The following ZBTB45 variants were observed in gnomAD, a reference collection of about 807,000 sequenced individuals.
ZBTB45 encodes zinc finger and BTB domain-containing protein 45.
A neutral mutation model predicts 28.4 loss-of-function variants in ZBTB45; 22 were observed. The ratio of observed to expected loss-of-function variants is 0.77; its 90% CI spans 0.55 to 1.10. The LOEUF (loss-of-function observed/expected upper bound fraction) is 1.10, where lower values mean the gene tolerates loss of function less well. Among genes scored for constraint, ZBTB45 ranks in the 50% least tolerant of loss-of-function variants. ZBTB45 has a pLI of 0.00. For synonymous variants in ZBTB45, 361 were observed against 332.3 expected, an observed-to-expected ratio of 1.09 and a Z score of -0.94; for missense variants, 656 against 750.2, an observed-to-expected ratio of 0.87 and a Z score of 1.47.
intron 1 of ZBTB45, among the ~76,000 whole-genome samples, chr19:58,518,404 A>G (rs1278792692): frequency 6.6e-6 from 1 of 152,102 alleles, no homozygotes; most frequent in African/African-American, 2.4e-5. Context: ...TGCCCCAGGG[A>G]AACCAGTACA....
At position 58,516,559 on chromosome 19, in the gene ZBTB45, G is replaced by A. The variant is rs1183557713; in HGVS notation, c.1115C>T (p.Thr372Ile). 6.2e-7 allele frequency: 1 copy of A among 1,602,496 alleles called. No homozygotes were observed. The highest frequency in any genetic ancestry group is 8.5e-7 in the Non-Finnish European group (1 of 1,173,990). Reference sequence around the variant, plus strand: ...GGGAGCCGGGACCTCCCCCAGCTGAGTACTGGGGGCTGCCTCGGGCTGGAG... The same window carrying A: ...GGGAGCCGGGACCTCCCCCAGCTGAATACTGGGGGCTGCCTCGGGCTGGAG... ...PTLQPEAAPS[T>I]QLGEVPAPSA... Residue 372 changes from threonine to isoleucine, a missense_variant, in exon 2 of 3, where the codon ACT (threonine) becomes ATT (isoleucine). By Grantham distance (89) the Thr-to-Ile change is moderately conservative. This residue lies in a region of ZBTB45 where 448 missense variants were observed against 444.3 expected (regional missense o/e 1.01). Coordinates refer to ENST00000594051, the MANE Select transcript of ZBTB45 (RefSeq NM_001316979.2). This position sits in a 1 kb window ranked among gnomAD's most constrained non-coding sequence, Gnocchi z 6.2.
chr19:58,522,828 G>C (rs528073548), upstream of ZBTB45, among the ~76,000 whole-genome samples: 1 of 152,286 alleles, frequency 6.6e-6, no homozygotes, highest in Admixed American at 6.5e-5. Flanking sequence ...CCTTGGGCAA[G>C]ACAAATGAGT....
At chr19:58,537,017 G>A (rs556792609) in intron 1 of ZBTB45, among the ~76,000 whole-genome samples, 1 of 152,272 alleles carries the variant, frequency 6.6e-6, no homozygotes, top group Non-Finnish European at 1.5e-5. Context: ...GGGCCACCTG[G>A]GGAGCGGAGC....
rs761538520 is a variant in ZBTB45 at position 58,517,196 on chromosome 19, G to C, written c.478C>G (p.Arg160Gly). 6 of 1,605,290 alleles carry C rather than the reference G, an allele frequency of 3.7e-6. No homozygotes were observed. In the Admixed American group the frequency reaches 1.0e-4, roughly 27 times the overall value. The change falls in exon 2 of 3, where the codon CGT (arginine) becomes GGT (glycine). Residue 160 changes from arginine to glycine, a missense_variant. Arg to Gly is a moderately radical substitution (Grantham distance 125). Coordinates refer to ENST00000594051, the MANE Select transcript of ZBTB45 (RefSeq NM_001316979.2). ...GCAGCACCGGGGTGCCCCGGGGGAC[G>C]TGCAGCCAGCAGGTGGCGCAGGCGG... ...RHRLRHLLAA[R>G]PPGHPGAAHS...
At chr19:58,521,117 C>T (rs2053574554), upstream of ZBTB45, among the ~76,000 whole-genome samples, 2 of 139,824 alleles carry the variant, frequency 1.4e-5, no homozygotes, top group South Asian at 4.5e-4. Flanking sequence ...GTAATCCCAG[C>T]ACTGTGGGAG....
Position 58,516,312 on chromosome 19 carries a change from GC to G in ZBTB45, c.1279+82del, listed in dbSNP as rs1295132642. ...CCAAAAGTAACAGAACAGTGCCAGT[GC>G]CCTGTAACTAGTGCTCAATTCCCCC... is the stretch of plus-strand genomic sequence containing the variant. On this transcript the variant is annotated intron_variant, in intron 2 of 2. Transcript: ENST00000594051. The surrounding 1 kb of genome is among the most constrained non-coding windows in gnomAD (Gnocchi z 6.2). 12 of 1,533,046 alleles carry G rather than the reference GC, an allele frequency of 7.8e-6. No individual in the cohort carries two copies. The highest frequency in any genetic ancestry group is 9.8e-6 in the Non-Finnish European group (11 of 1,122,788). The allele number at this position is 1,533,046 out of a possible 1,614,324, so 95.0% of individuals were successfully genotyped here.
Position 58,514,243 on chromosome 19 carries a change from G to T in ZBTB45, c.1347C>A (p.His449Gln). 1 of 1,612,424 alleles carries T rather than the reference G, an allele frequency of 6.2e-7. No homozygotes were observed. The highest frequency in any genetic ancestry group is 8.5e-7 in the Non-Finnish European group (1 of 1,179,486). ...SFSLRDYLLK[H>Q]MVTHTGVRAF... ...CGCGCACGCCGGTGTGCGTGACCAT[G>T]TGTTTGAGCAGGTAGTCGCGTAGAG... Residue 449 changes from histidine (H) to glutamine (Q), a missense_variant, in exon 3 of 3, where the codon CAC (histidine) becomes CAA (glutamine). Physicochemically the swap from His to Gln is conservative, Grantham distance 24. Coordinates refer to ENST00000594051, the MANE Select transcript of ZBTB45 (RefSeq NM_001316979.2).
At chr19:58,525,976 C>T (rs2053604867) in intron 1 of ZBTB45, among the ~76,000 whole-genome samples, 1 of 152,108 alleles carries the variant, frequency 6.6e-6, no homozygotes. Flanking sequence ...GCCTGTAATC[C>T]CAGCACTTTG....
intron 1 of ZBTB45, among the ~76,000 whole-genome samples, chr19:58,524,868 G>GTGA (rs1477457312): frequency 1.3e-5 from 2 of 148,164 alleles, no homozygotes; most frequent in African/African-American, 5.0e-5. Context: ...GGGCGACAGA[G>GTGA]TGAGACTCCG....
At chr19:58,514,708 C>G (rs947313206) in intron 2 of ZBTB45, among the ~76,000 whole-genome samples, 1 of 152,124 alleles carries the variant, frequency 6.6e-6, no homozygotes, top group African/African-American at 2.4e-5. Context: ...TGTTGGCCAT[C>G]TGGACTGCCC....
exon 1 of ZBTB45, chr19:58,538,821 G>C (rs1244376307): frequency 1.3e-5 from 2 of 152,142 alleles, no homozygotes; most frequent in East Asian, 1.9e-4. Flanking sequence ...ACCTGGACCG[G>C]AGACCTCACG....
intron 1 of ZBTB45, among the ~76,000 whole-genome samples, chr19:58,530,913 G>A (rs1255317598): frequency 6.6e-6 from 1 of 151,944 alleles, no homozygotes; most frequent in African/African-American, 2.4e-5. Flanking sequence ...TCGATCTCCC[G>A]ACCTCATGAT....
rs145315487 is a variant in ZBTB45 at position 58,516,382 on chromosome 19, C to T, written c.1279+13G>A. 1.6e-4 allele frequency: 255 copies of T among 1,613,866 alleles called. 1 individual carries two copies. The African/African-American group carries it at 2.2e-3, about 14-fold the overall frequency. ...TGAGAGATTGCTCCCTCTCCTCCCCCGCCCTGGCTCACCCGAGTGGATGAA... is the reference window on the plus strand; with the variant it reads ...TGAGAGATTGCTCCCTCTCCTCCCCTGCCCTGGCTCACCCGAGTGGATGAA... On this transcript the variant is annotated intron_variant, in intron 2 of 2. Transcript: ENST00000594051. The surrounding 1 kb of genome is among the most constrained non-coding windows in gnomAD (Gnocchi z 6.2).
chr19:58,527,554 T>G (rs547697298), intron 1 of ZBTB45, among the ~76,000 whole-genome samples: 1 of 152,260 alleles, frequency 6.6e-6, no homozygotes, highest in East Asian at 1.9e-4. Context: ...CAGGCTCCTG[T>G]GCCACCCGGG....
intron 1 of ZBTB45, among the ~76,000 whole-genome samples, chr19:58,530,807 C>T (rs2053632296): frequency 6.6e-6 from 1 of 152,030 alleles, no homozygotes; most frequent in South Asian, 2.1e-4. Flanking sequence ...CCTCAGCCTC[C>T]CAAGTAGCTG....
chr19:58,521,404 A>T (rs971258679), upstream of ZBTB45, among the ~76,000 whole-genome samples: 4 of 150,896 alleles, frequency 2.7e-5, no homozygotes, highest in African/African-American at 9.7e-5. Context: ...AAAAGAAAAC[A>T]GACCTTAGCC....
Position 58,537,840 on chromosome 19 carries a change from CT to C in ZBTB45, c.-1+860del, listed in dbSNP as rs769769323. On this transcript the variant is annotated intron_variant, in intron 1 of 1. Transcript: ENST00000600130. ...TGTGGAAAGTGCTCATCAAATATTC[CT>C]TTTTTTTTTTTTTGAGACAGAGTTT... Among the ~76,000 whole-genome samples the C allele has an allele frequency of 3.5e-3, 470 of 135,128 alleles. 2 individuals carry two copies. Among genetic ancestry groups the C allele is most frequent in the Non-Finnish European group, 3.7e-3 (232 of 63,100 alleles). 88.6% of individuals were successfully genotyped at this position (135,128 alleles called of 152,430 possible).
intron 2 of ZBTB45, 102 bp from the exon 3 acceptor site, chr19:58,514,412 CCCCT>C (rs1335939705): frequency 7.4e-7 from 1 of 1,347,686 alleles, no homozygotes; most frequent in African/African-American, 1.6e-5. Flanking sequence ...AGCAGGGGCT[CCCCT>C]CCCCTCCCGA....
chr19:58,532,731 A>G (rs1021239823), intron 1 of ZBTB45, among the ~76,000 whole-genome samples: 39 of 151,686 alleles, frequency 2.6e-4, no homozygotes, highest in African/African-American at 9.0e-4. Flanking sequence ...TGTTTTTACT[A>G]GAGACAAGGT....
Sources: allele counts gnomAD v4.1 joint callset (sites outside exome capture counted in the v4.1 genomes callset), GRCh38; gene constraint gnomAD v4.1.1; regional missense constraint gnomAD v4.1.1; non-coding constraint Gnocchi (gnomAD v3.1); transcripts MANE v1.5; gene names NCBI Gene and HGNC (gene_info 2026-07-23, HGNC 2026-07-21).